Variants in XPNPEP1 observed in about 807,000 individuals in gnomAD.
XPNPEP1 encodes the protein xaa-Pro aminopeptidase 1.
In XPNPEP1, 39 loss-of-function variants were observed where a neutral mutation model predicts 92.4. The observed-to-expected ratio is 0.42, with a 90% confidence interval of 0.33 to 0.55. The LOEUF is 0.55. Ranked by LOEUF, XPNPEP1 falls within the 20% of genes least tolerant of loss-of-function variation. The pLI, the probability that XPNPEP1 is intolerant of heterozygous loss-of-function variation, is 0.08. For synonymous variants in XPNPEP1, 307 were observed against 299.4 expected (o/e 1.03, Z -0.26); for missense variants, 654 against 856.1 (o/e 0.76, Z 2.95).
chr10:109,892,326 C>G (rs572969516), intron 4 of XPNPEP1, among the ~76,000 whole-genome samples: 66 of 152,302 alleles, frequency 4.3e-4, no homozygotes, highest in African/African-American at 1.6e-3. Flanking sequence ...TATCTGCCCT[C>G]CGTTCCCACA....
At chr10:109,873,007 AAAG>A (rs1847572347) in intron 16 of XPNPEP1, among the ~76,000 whole-genome samples, 1 of 152,216 alleles carries the variant, frequency 6.6e-6, no homozygotes, top group South Asian at 2.1e-4. Flanking sequence ...AATCTCAAAA[AAAG>A]AAGGGGGTGG....
At chr10:109,900,375 C>T (rs560271789) in intron 3 of XPNPEP1, among the ~76,000 whole-genome samples, 17 of 152,328 alleles carry the variant, frequency 1.1e-4, no homozygotes, top group African/African-American at 2.6e-4. Context: ...GCAGGTCACA[C>T]ATGAAGCCAG....
intron 8 of XPNPEP1, among the ~76,000 whole-genome samples, chr10:109,885,927 C>A (rs1190499180): frequency 6.6e-6 from 1 of 152,202 alleles, no homozygotes; most frequent in African/African-American, 2.4e-5. Context: ...GAGCCCACTT[C>A]TACACCTACA....
At chr10:109,891,928 A>T (rs913748285) in intron 4 of XPNPEP1, 102 bp from the exon 5 acceptor site, 12 of 1,109,520 alleles carry the variant, frequency 1.1e-5, no homozygotes, top group African/African-American at 3.1e-5. Context: ...AAGAGGCATC[A>T]GCTCCTAGTG....
intron 3 of XPNPEP1, among the ~76,000 whole-genome samples, chr10:109,904,555 G>T (rs190863408): frequency 7.2e-5 from 11 of 152,262 alleles, no homozygotes; most frequent in Admixed American, 5.2e-4. Flanking sequence ...TAGAGGTACA[G>T]AGTGCACATC....
chr10:109,874,967 G>A (rs186856324), intron 15 of XPNPEP1, among the ~76,000 whole-genome samples: 46 of 152,256 alleles, frequency 3.0e-4, no homozygotes, highest in Middle Eastern at 3.4e-3. Context: ...GGCCTTGCTC[G>A]TGCCCTCTTA....
chr10:109,912,108 G>A (rs935885625), intron 2 of XPNPEP1, among the ~76,000 whole-genome samples: 7 of 151,904 alleles, frequency 4.6e-5, no homozygotes, highest in Admixed American at 2.0e-4. Flanking sequence ...ACATCATCAC[G>A]TTTCCCCTGG....
At chr10:109,908,640 AT>A (rs1799149529) in intron 2 of XPNPEP1, among the ~76,000 whole-genome samples, 3 of 152,188 alleles carry the variant, frequency 2.0e-5, no homozygotes, top group Non-Finnish European at 4.4e-5. Flanking sequence ...AAGGAAAAAA[AT>A]ATAGATTGTT....
intron 1 of XPNPEP1, among the ~76,000 whole-genome samples, chr10:109,918,715 C>T (rs1489207283): frequency 2.6e-5 from 4 of 150,982 alleles, no homozygotes; most frequent in South Asian, 2.1e-4. Flanking sequence ...GAGCTGAGAT[C>T]GGGCCACTGC....
At chr10:109,873,528 T>C (rs1847605599) in intron 15 of XPNPEP1, 101 bp from the exon 16 acceptor site, 18 of 1,391,760 alleles carry the variant, frequency 1.3e-5, no homozygotes, top group Non-Finnish European at 2.0e-6. Flanking sequence ...CATACAATGC[T>C]GGTGGGCATG....
At chr10:109,889,091 C>T (rs988700494) in intron 5 of XPNPEP1, among the ~76,000 whole-genome samples, 1 of 152,190 alleles carries the variant, frequency 6.6e-6, no homozygotes, top group African/African-American at 2.4e-5. Context: ...AAGAGAAGGC[C>T]GCTGCCCCAT....
At chr10:109,905,421 G>T (rs886552840) in intron 3 of XPNPEP1, among the ~76,000 whole-genome samples, 1 of 152,130 alleles carries the variant, frequency 6.6e-6, no homozygotes, top group Non-Finnish European at 1.5e-5. Context: ...TGTTGGTCAG[G>T]CTGGTCTCCA....
intron 5 of XPNPEP1, among the ~76,000 whole-genome samples, chr10:109,889,092 G>A (rs563839959): frequency 2.0e-5 from 3 of 152,338 alleles, no homozygotes; most frequent in South Asian, 2.1e-4. Flanking sequence ...AGAGAAGGCC[G>A]CTGCCCCATA....
At position 109,888,745 on chromosome 10, in the gene XPNPEP1, C is replaced by A; in HGVS notation, c.416-150G>T. The A allele has an allele frequency of 7.3e-6, 4 of 546,288 alleles. No homozygotes were observed. In the Admixed American group the frequency reaches 1.5e-4, roughly 21 times the overall value. The allele number at this position is 546,288 out of a possible 1,614,324, so 33.8% of individuals were successfully genotyped here. ...ATTGACAGGACTTAGAAAATCTGAA[C>A]CTCCCTTAATCCTGGAAGGCTACAG... On this transcript the variant is annotated intron_variant, in intron 5 of 20. Transcript: ENST00000502935.
At chr10:109,919,485 C>T (rs774624946) in intron 1 of XPNPEP1, among the ~76,000 whole-genome samples, 27 of 152,060 alleles carry the variant, frequency 1.8e-4, no homozygotes, top group Admixed American at 8.5e-4. Context: ...GTAACAAGTG[C>T]GGGTGAGGGT....
chr10:109,881,634 G>C (rs1243622429), intron 10 of XPNPEP1, among the ~76,000 whole-genome samples: 2 of 152,200 alleles, frequency 1.3e-5, no homozygotes, highest in South Asian at 2.1e-4. Context: ...TAGAGAGCCA[G>C]GCCTGGATTC....
At chr10:109,921,230 C>T (rs544769237) in intron 1 of XPNPEP1, among the ~76,000 whole-genome samples, 2 of 152,312 alleles carry the variant, frequency 1.3e-5, no homozygotes, top group African/African-American at 4.8e-5. Context: ...GACCAGGAAA[C>T]CAAGAAACAA....
intron 1 of XPNPEP1, among the ~76,000 whole-genome samples, chr10:109,916,593 G>A (rs1299250475): frequency 6.6e-6 from 1 of 152,170 alleles, no homozygotes; most frequent in Non-Finnish European, 1.5e-5. Context: ...AATGACTCTA[G>A]GCCTGCTTTC....
At chr10:109,874,748 G>A (rs1459236166) in intron 15 of XPNPEP1, among the ~76,000 whole-genome samples, 2 of 152,170 alleles carry the variant, frequency 1.3e-5, no homozygotes, top group African/African-American at 4.8e-5. Context: ...AGGAGATCGA[G>A]ACCATCCTGG....
Sources: allele counts gnomAD v4.1 joint callset (sites outside exome capture counted in the v4.1 genomes callset), GRCh38; gene constraint gnomAD v4.1.1; transcripts MANE v1.5; gene names NCBI Gene and HGNC (gene_info 2026-07-23, HGNC 2026-07-21).